SEMA6D: variants seen among roughly 807,000 people sequenced by gnomAD.
SEMA6D encodes semaphorin-6D.
Under a neutral mutation model 106.6 loss-of-function variants are expected in SEMA6D, and 35 were observed. The ratio of observed to expected loss-of-function variants is 0.33; its 90% confidence interval spans 0.25 to 0.44. SEMA6D has a LOEUF of 0.44. Ranked by LOEUF, SEMA6D falls within the 20% of genes least tolerant of loss-of-function variation. The probability of loss-of-function intolerance (pLI) is 1.00; values close to 1 mark genes in which losing one functional copy is unlikely to be tolerated. For missense variants in SEMA6D, 1,185 were observed against 1,345.9 expected (o/e 0.88, Z 1.87); for synonymous variants, 499 against 487.7 (o/e 1.02, Z -0.31).
intron 8 of SEMA6D, among the ~76,000 whole-genome samples, 199 bp from the exon 9 acceptor site, chr15:47,762,817 A>C (rs2082134751): frequency 6.6e-6 from 1 of 152,156 alleles, no homozygotes. Flanking sequence ...TTTACAGTCC[A>C]TTAGCTGACT....
chr15:47,676,788 G>A (rs2078254754), intron 4 of SEMA6D, among the ~76,000 whole-genome samples: 1 of 152,188 alleles, frequency 6.6e-6, no homozygotes, highest in Admixed American at 6.5e-5. Flanking sequence ...TCATGGTTCT[G>A]TGGGTAGGCT....
At chr15:47,517,608 GTCTT>G (rs2044430464) in intron 3 of SEMA6D, among the ~76,000 whole-genome samples, 1 of 151,902 alleles carries the variant, frequency 6.6e-6, no homozygotes, top group African/African-American at 2.4e-5. Flanking sequence ...TATTTGTTTC[GTCTT>G]TCTTCCTTCC....
chr15:47,685,936 A>C lies in SEMA6D; in HGVS notation c.-54-73809A>C, dbSNP rs187275233. The stretch of plus-strand genomic sequence containing the variant: ...TAAAAGATGCATATCTGAGATTTAA[A>C]ATAGGGAATGGATGTGATTTCTGAC... On this transcript the variant is annotated intron_variant, in intron 4 of 19. Coordinates refer to the SEMA6D transcript ENST00000558014. Among the ~76,000 whole-genome samples the C allele has an allele frequency of 3.3e-5, 5 of 152,308 alleles. No individual in the cohort carries two copies. In the East Asian group the frequency reaches 9.6e-4, roughly 29 times the overall value.
chr15:47,338,064 C>T (rs553574331), intron 1 of SEMA6D, among the ~76,000 whole-genome samples: 9 of 152,250 alleles, frequency 5.9e-5, no homozygotes, highest in East Asian at 5.8e-4. Flanking sequence ...TGTAACCTTA[C>T]GCTATCTGAA....
intron 12 of SEMA6D, 31 bp from the exon 13 acceptor site, chr15:47,764,852 C>T (rs1469694863): frequency 1.9e-6 from 3 of 1,613,428 alleles, no homozygotes; most frequent in East Asian, 2.2e-5. Context: ...CGTTGGCCTC[C>T]CCTTCTGATC....
At chr15:47,540,044 CTGTGTG>C (rs34146724) in intron 3 of SEMA6D, among the ~76,000 whole-genome samples, 1 of 150,582 alleles carries the variant, frequency 6.6e-6, no homozygotes, top group Non-Finnish European at 1.5e-5. Flanking sequence ...TTATATTTAG[CTGTGTG>C]TGTGTGTGTG....
chr15:47,251,934 G>C (rs1251448350), intron 1 of SEMA6D, among the ~76,000 whole-genome samples: 1 of 4,900 alleles, frequency 2.0e-4, no homozygotes, highest in African/African-American at 1.0e-3. Context: ...TTTTTTTTTT[G>C]AGACGGAGTC....
chr15:47,434,106 G>C (rs1281138710), intron 2 of SEMA6D, among the ~76,000 whole-genome samples: 1 of 152,130 alleles, frequency 6.6e-6, no homozygotes, highest in Non-Finnish European at 1.5e-5. Context: ...ATCTAAGTAA[G>C]AGATGTTGAG....
chr15:47,470,776 T>C (rs2042812242), intron 3 of SEMA6D, among the ~76,000 whole-genome samples: 1 of 152,130 alleles, frequency 6.6e-6, no homozygotes, highest in African/African-American at 2.4e-5. Context: ...ATTATTATTA[T>C]CTAAACCCTC....
intron 4 of SEMA6D, among the ~76,000 whole-genome samples, chr15:47,622,281 CGTG>C (rs892159246): frequency 4.7e-5 from 7 of 149,896 alleles, no homozygotes; most frequent in Non-Finnish European, 7.4e-5. Context: ...AGTCTCAAAA[CGTG>C]GGAATAACAG....
intron 4 of SEMA6D, among the ~76,000 whole-genome samples, chr15:47,640,735 G>A (rs1467780674): frequency 2.0e-5 from 3 of 152,044 alleles, no homozygotes; most frequent in East Asian, 1.9e-4. Flanking sequence ...GTTATATAAC[G>A]CGTTTCTTAA....
chr15:47,744,451 T>C (rs2081002574), intron 1 of SEMA6D, among the ~76,000 whole-genome samples: 1 of 151,986 alleles, frequency 6.6e-6, no homozygotes, highest in African/African-American at 2.4e-5. Flanking sequence ...CATCCTACAA[T>C]TTAAAAAAGA....
At chr15:47,277,616 A>ATTATTATTATTTATTTAT (rs2034888124) in intron 1 of SEMA6D, among the ~76,000 whole-genome samples, 2 of 137,230 alleles carry the variant, frequency 1.5e-5, no homozygotes, top group Non-Finnish European at 3.0e-5. Context: ...ATTATTATTT[A>ATTATTATTATTTATTTAT]TTATTATTAT....
chr15:47,399,597 T>C (rs1216126063), intron 1 of SEMA6D: 1 of 152,230 alleles, frequency 6.6e-6, no homozygotes, highest in East Asian at 1.9e-4. Context: ...TCCACAATTA[T>C]TACTTGCCAT....
At chr15:47,337,467 T>G (rs1289045795) in intron 1 of SEMA6D, among the ~76,000 whole-genome samples, 1 of 152,072 alleles carries the variant, frequency 6.6e-6, no homozygotes. Flanking sequence ...TTCTCTGAAG[T>G]GGGCTTTGCT....
intron 1 of SEMA6D, chr15:47,397,936 T>G (rs2040271681): frequency 6.6e-6 from 1 of 152,212 alleles, no homozygotes; most frequent in African/African-American, 2.4e-5. Context: ...AATAACAGTA[T>G]CTTTCAAAAT....
chr15:47,384,749 C>T (rs144797504), intron 1 of SEMA6D, among the ~76,000 whole-genome samples: 1 of 149,860 alleles, frequency 6.7e-6, no homozygotes, highest in African/African-American at 2.5e-5. Context: ...CTGCCAAAAC[C>T]ATATAGAGGA....
chr15:47,506,498 T>C (rs2044040647), intron 3 of SEMA6D, among the ~76,000 whole-genome samples: 1 of 152,014 alleles, frequency 6.6e-6, no homozygotes, highest in African/African-American at 2.4e-5. Context: ...CATTTCAGGC[T>C]GGGGGAAAAT....
At chr15:47,266,942 T>C (rs1566961757) in intron 1 of SEMA6D, among the ~76,000 whole-genome samples, 1 of 152,188 alleles carries the variant, frequency 6.6e-6, no homozygotes, top group South Asian at 2.1e-4. Flanking sequence ...CTAGAGACTT[T>C]AAATGTTTTA....
Sources: gnomAD v4.1 joint callset for allele counts (sites outside exome capture counted in the v4.1 genomes callset) on GRCh38, gnomAD v4.1.1 for gene constraint, MANE v1.5 for transcripts, NCBI Gene and HGNC (gene_info 2026-07-23, HGNC 2026-07-21) for gene names.